The following CNTN4 variants were observed in gnomAD, a reference collection of about 807,000 sequenced individuals.
CNTN4 encodes contactin 4, also known as contactin-4.
In CNTN4, 77 loss-of-function variants were observed where a neutral mutation model predicts 122.5. The observed-to-expected ratio is 0.63, with a 90% CI of 0.52 to 0.76. The LOEUF (loss-of-function observed/expected upper bound fraction) is 0.76, where lower values mean the gene tolerates loss of function less well. CNTN4 is among the 30% of genes least tolerant of loss of function. The pLI is 0.00. For missense variants in CNTN4, 1,256 were observed against 1,259.1 expected, an observed-to-expected ratio of 1.00 and a Z score of 0.04; for synonymous variants, 512 against 447.0, an observed-to-expected ratio of 1.15 and a Z score of -1.83.
intron 5 of CNTN4, among the ~76,000 whole-genome samples, chr3:2,744,452 C>T (rs187150754): frequency 2.6e-5 from 4 of 152,302 alleles, no homozygotes; most frequent in East Asian, 1.9e-4. Context: ...TCCTTACTCT[C>T]ATTATGGATT....
At chr3:2,427,099 C>T (rs2047868440) in intron 3 of CNTN4, among the ~76,000 whole-genome samples, 1 of 152,052 alleles carries the variant, frequency 6.6e-6, no homozygotes, top group African/African-American at 2.4e-5. Context: ...TTAGTTATTT[C>T]TTGCCTTCTG....
intron 3 of CNTN4, among the ~76,000 whole-genome samples, chr3:2,561,357 G>A (rs1256646268): frequency 6.6e-6 from 1 of 152,176 alleles, no homozygotes; most frequent in East Asian, 1.9e-4. Flanking sequence ...TCTGGTGATA[G>A]AAGCTTTAAG....
rs938975568 is a variant in CNTN4 at position 2,129,198 on chromosome 3, C to T, written c.-145+28559C>T. On this transcript the variant is annotated intron_variant, in intron 2 of 24. Transcript: ENST00000418658. ...TTTCATTTGTTATTATTTTTTGATA[C>T]TAGGAAAGCCTTCTTGTGATACTAT... Among the ~76,000 whole-genome samples, 6 of 146,050 alleles carry T rather than the reference C, an allele frequency of 4.1e-5. No individual in the cohort carries two copies. In the East Asian group the frequency reaches 1.0e-3, roughly 25 times the overall value.
chr3:2,288,146 G>C (rs1032550428), intron 2 of CNTN4, among the ~76,000 whole-genome samples: 1 of 152,202 alleles, frequency 6.6e-6, no homozygotes, highest in South Asian at 2.1e-4. Context: ...ATAAGGAACA[G>C]AGATTTCTTA....
At chr3:2,116,945 A>G (rs573767261) in intron 2 of CNTN4, among the ~76,000 whole-genome samples, 1 of 151,068 alleles carries the variant, frequency 6.6e-6, no homozygotes, top group Non-Finnish European at 1.5e-5. Flanking sequence ...TCAATAGAGA[A>G]GATTTTTGTG....
chr3:2,628,931 G>A (rs941627203), intron 4 of CNTN4, among the ~76,000 whole-genome samples: 1 of 152,184 alleles, frequency 6.6e-6, no homozygotes, highest in Non-Finnish European at 1.5e-5. Flanking sequence ...CCAGTTGTGT[G>A]GCAAATAGGT....
chr3:2,844,648 C>G (rs1006400577), intron 7 of CNTN4, among the ~76,000 whole-genome samples: 1 of 152,176 alleles, frequency 6.6e-6, no homozygotes, highest in Non-Finnish European at 1.5e-5. Flanking sequence ...CACCATTACT[C>G]TCTCTTAATG....
chr3:2,183,904 T>G (rs59946904), intron 2 of CNTN4, among the ~76,000 whole-genome samples: 2 of 152,188 alleles, frequency 1.3e-5, no homozygotes, highest in Non-Finnish European at 2.9e-5. Context: ...TATTTTTGGA[T>G]AGGATAACAG....
intron 4 of CNTN4, among the ~76,000 whole-genome samples, chr3:2,607,390 C>T (rs1266405624): frequency 6.6e-6 from 1 of 151,982 alleles, no homozygotes; most frequent in Non-Finnish European, 1.5e-5. Context: ...AGCAACCTAA[C>T]TGTCCATACA....
At chr3:2,883,342 A>T in intron 9 of CNTN4, 95 bp downstream of exon 9, 1 of 902,482 alleles carries the variant, frequency 1.1e-6, no homozygotes, top group Non-Finnish European at 1.8e-6. Flanking sequence ...TTCTGAGGTG[A>T]CGGAAAAGCA....
chr3:2,605,566 T>G (rs2081222674), intron 4 of CNTN4, among the ~76,000 whole-genome samples: 1 of 152,148 alleles, frequency 6.6e-6, no homozygotes, highest in African/African-American at 2.4e-5. Context: ...GGAGCACAGC[T>G]GGGCAGCTAT....
chr3:3,030,445 T>C (rs1367684003), intron 15 of CNTN4, among the ~76,000 whole-genome samples: 2 of 152,190 alleles, frequency 1.3e-5, no homozygotes, highest in Non-Finnish European at 2.9e-5. Flanking sequence ...TACTTCCAAA[T>C]GTGGGCTTGC....
chr3:2,724,104 A>G (rs748892322), intron 4 of CNTN4, among the ~76,000 whole-genome samples: 27 of 152,190 alleles, frequency 1.8e-4, no homozygotes, highest in Non-Finnish European at 2.9e-4. Context: ...TGAGGAAGGG[A>G]GAGTCAGAGT....
intron 12 of CNTN4, among the ~76,000 whole-genome samples, chr3:2,914,193 A>G (rs2094330480): frequency 6.6e-6 from 1 of 152,198 alleles, no homozygotes. Context: ...ACATGCTTAC[A>G]TTAAAAAAGA....
intron 8 of CNTN4, among the ~76,000 whole-genome samples, chr3:2,872,173 C>A (rs1411498098): frequency 6.6e-6 from 1 of 152,150 alleles, no homozygotes; most frequent in African/African-American, 2.4e-5. Context: ...AGGTAACAGA[C>A]CACTCATATA....
chr3:2,764,017 G>A (rs1210534850), intron 6 of CNTN4, among the ~76,000 whole-genome samples: 1 of 151,944 alleles, frequency 6.6e-6, no homozygotes, highest in African/African-American at 2.4e-5. Context: ...GATGTTTAAG[G>A]AGAGGTATAA....
chr3:2,330,508 T>C (rs12636525), intron 2 of CNTN4, among the ~76,000 whole-genome samples: 52,138 of 152,016 alleles, frequency 0.34, 9,867 homozygotes, highest in East Asian at 0.8. Flanking sequence ...AGGAGTTCTG[T>C]GTCAAGAAAT....
intron 9 of CNTN4, among the ~76,000 whole-genome samples, chr3:2,884,035 G>A (rs2093941530): frequency 6.6e-6 from 1 of 152,040 alleles, no homozygotes; most frequent in African/African-American, 2.4e-5. Context: ...CCATCTATCT[G>A]ACGAATCCAT....
intron 3 of CNTN4, among the ~76,000 whole-genome samples, chr3:2,535,218 C>G (rs1435247832): frequency 2.6e-5 from 4 of 152,134 alleles, no homozygotes; most frequent in African/African-American, 4.8e-5. Flanking sequence ...TATTGGTAGT[C>G]TTTATGACAC....
Sources: allele counts gnomAD v4.1 joint callset (sites outside exome capture counted in the v4.1 genomes callset), GRCh38; gene constraint gnomAD v4.1.1; transcripts MANE v1.5; gene names NCBI Gene and HGNC (gene_info 2026-07-23, HGNC 2026-07-21).